The following TARM1 variants were observed in gnomAD, a reference collection of about 807,000 sequenced individuals.
TARM1 encodes T-cell-interacting, activating receptor on myeloid cells protein 1.
A neutral mutation model predicts 30.4 loss-of-function variants in TARM1; 24 were observed. That is an observed-to-expected ratio of 0.79 (90% CI 0.57 to 1.11). TARM1 has a LOEUF of 1.11. Among genes scored for constraint, TARM1 ranks in the 50% least tolerant of loss-of-function variants. The pLI, the probability that TARM1 is intolerant of heterozygous loss-of-function variation, is 0.00. For synonymous variants in TARM1, 129 were observed against 138.9 expected (o/e 0.93, Z 0.50); for missense variants, 323 against 332.8 (o/e 0.97, Z 0.23).
intron 4 of TARM1, 67 bp from the exon 5 acceptor site, chr19:54,070,227 A>G: frequency 2.0e-6 from 3 of 1,499,878 alleles, no homozygotes; most frequent in Non-Finnish European, 2.7e-6. Context: ...TGGCCCCACC[A>G]AATCTGACTA....
At chr19:54,073,191 C>G (rs986307479) in intron 4 of TARM1, among the ~76,000 whole-genome samples, 13 of 151,486 alleles carry the variant, frequency 8.6e-5, no homozygotes, top group Non-Finnish European at 1.9e-4. Flanking sequence ...GGCAGATCAC[C>G]TGAGGTCAGG....
chr19:54,073,785 G>A (rs2071871687), intron 4 of TARM1, 135 bp downstream of exon 4: 4 of 1,178,816 alleles, frequency 3.4e-6, no homozygotes, highest in South Asian at 1.5e-5. Context: ...GAGCCACCAC[G>A]CCAGGCCAGA....
At chr19:54,073,784 C>G (rs1023182352) in intron 4 of TARM1, 136 bp downstream of exon 4, 5 of 1,169,208 alleles carry the variant, frequency 4.3e-6, no homozygotes, top group Non-Finnish European at 5.9e-6. Flanking sequence ...TGAGCCACCA[C>G]GCCAGGCCAG....
chr19:54,080,140 AAAGC>A lies in TARM1; in HGVS notation c.34+1163_34+1166del, dbSNP rs375418750. ...GGAAGGAAGGAAGGAAGGAAGGAAG[AAAGC>A]AAGCAAGCAAGCAAGCAAGCAAGCA... On this transcript the variant is annotated intron_variant, in intron 1 of 4. Coordinates refer to ENST00000432826, the MANE Select transcript of TARM1 (RefSeq NM_001135686.3). 9.8e-4 allele frequency among the ~76,000 whole-genome samples: 79 copies of A among 80,276 alleles called. 14 individuals carry two copies. Among genetic ancestry groups the A allele is most frequent in the Non-Finnish European group, 1.7e-3 (62 of 37,148 alleles). The allele number at this position is 80,276 out of a possible 152,430, so 52.7% of individuals were successfully genotyped here. A position where few individuals can be genotyped will look rare whatever the true frequency, so the allele number is the denominator to read the frequency against.
rs1234169396 is a variant in TARM1 at position 54,069,992 on chromosome 19, T to G, written c.*11A>C. 2 of 1,548,820 alleles carry G rather than the reference T, an allele frequency of 1.3e-6. No homozygotes were observed. Among genetic ancestry groups the G allele is most frequent in the Non-Finnish European group, 8.7e-7 (1 of 1,144,980 alleles). On this transcript the variant is annotated 3_prime_UTR_variant, in exon 5 of 5. Coordinates refer to ENST00000432826, the MANE Select transcript of TARM1 (RefSeq NM_001135686.3). The stretch of plus-strand genomic sequence containing the variant: ...CAGCCTCAGTTTACCCAGCCCCGGT[T>G]CAAGATGGAGTCACTCTGGTTTGAA...
At chr19:54,080,047 AGG>A (rs1384876286) in intron 1 of TARM1, among the ~76,000 whole-genome samples, 1 of 134,630 alleles carries the variant, frequency 7.4e-6, no homozygotes, top group African/African-American at 2.8e-5. Context: ...GAAGGAAGGA[AGG>A]GAAAGAGAGA....
At chr19:54,074,751 T>C in intron 3 of TARM1, 73 bp downstream of exon 3, 1 of 1,470,162 alleles carries the variant, frequency 6.8e-7, no homozygotes, top group Non-Finnish European at 9.2e-7. Context: ...GGACCCCTTT[T>C]CTCCCTCTGT....
At chr19:54,075,789 C>CAA (rs1196367703) in intron 2 of TARM1, 94 bp downstream of exon 2, 37 of 1,161,740 alleles carry the variant, frequency 3.2e-5, no homozygotes, top group African/African-American at 4.9e-5. Context: ...GAGACTCCGT[C>CAA]AAAAAAAAAA....
intron 1 of TARM1, among the ~76,000 whole-genome samples, chr19:54,080,805 T>C (rs1342794363): frequency 2.6e-5 from 4 of 151,686 alleles, no homozygotes; most frequent in Non-Finnish European, 4.4e-5. Context: ...AAACACCGTC[T>C]CTACTAAAAA....
At position 54,072,140 on chromosome 19, in the gene TARM1, G is replaced by A. The variant is rs1318259368; in HGVS notation, c.658+1780C>T. On this transcript the variant is annotated intron_variant, in intron 4 of 4. Coordinates refer to ENST00000432826, the MANE Select transcript of TARM1 (RefSeq NM_001135686.3). ...GGAGGCAGAGGTTTCATTGAGCCGA[G>A]ATCGCGCCACTGCACTCCAGCCTGG... Among the ~76,000 whole-genome samples, 4 of 152,066 alleles carry A rather than the reference G, an allele frequency of 2.6e-5. No homozygotes were observed. The East Asian group carries it at 7.7e-4, about 29-fold the overall frequency.
In TARM1 at chr19:54,070,130, G is replaced by A. The variant is rs1248907278; in HGVS notation, c.689C>T (p.Ser230Phe). The A allele has an allele frequency of 6.4e-7, 1 of 1,551,560 alleles. No individual in the cohort carries two copies. The highest frequency in any genetic ancestry group is 1.4e-5 in the African/African-American group (1 of 73,048). The change falls in exon 5 of 5, where the codon TCC becomes TTC. Residue 230 changes from serine to phenylalanine, a missense_variant. Ser to Phe is a radical substitution (Grantham distance 155, BLOSUM62 -2). Coordinates refer to ENST00000432826, the MANE Select transcript of TARM1 (RefSeq NM_001135686.3). The part of the protein sequence containing the change: ...VPPGTTSSNY[S>F]LGNFVRLGLA... ...ACCCAGTCGTACGAAGTTACCCAGG[G>A]AGTAGTTGCTCGATGTGGTACCTGG...
At chr19:54,070,269 G>GGT in intron 4 of TARM1, 109 bp from the exon 5 acceptor site, 3 of 1,197,442 alleles carry the variant, frequency 2.5e-6, no homozygotes, top group Admixed American at 3.2e-5. Flanking sequence ...CGGTTTTTTG[G>GGT]TTTTTTTTTT....
rs1568511853 is a variant in TARM1 at position 54,080,125 on chromosome 19, AAGG to A, written c.34+1179_34+1181del. On this transcript the variant is annotated intron_variant, in intron 1 of 4. Transcript: ENST00000432826. ...GAAGGAAGGAAGGAAGGAAGGAAGG[AAGG>A]AAGGAAGGAAGAAAGCAAGCAAGCA... Among the ~76,000 whole-genome samples the A allele has an allele frequency of 3.6e-3, 173 of 48,684 alleles. 9 individuals are homozygous for A. The highest frequency in any genetic ancestry group is 5.7e-3 in the Non-Finnish European group (125 of 21,848). 31.9% of individuals were successfully genotyped at this position (48,684 alleles called of 152,430 possible).
intron 3 of TARM1, 100 bp from the exon 4 acceptor site, chr19:54,074,316 G>T: frequency 8.8e-7 from 1 of 1,134,996 alleles, no homozygotes; most frequent in South Asian, 1.5e-5. Flanking sequence ...TGTGGGAAAT[G>T]AGAGATTCCT....
chr19:54,070,003 T>G lies in TARM1; in HGVS notation c.816A>C (p.Ter272CysextTer26). 6.4e-7 allele frequency: 1 copy of G among 1,550,468 alleles called. No homozygotes were observed. The highest frequency in any genetic ancestry group is 8.7e-7 in the Non-Finnish European group (1 of 1,146,260). ...TACCCAGCCCCGGTTCAAGATGGAG[T>G]CACTCTGGTTTGAAGGCCTCTGATT... ...PGESEAFKPE* is the reference protein window; with the variant it reads ...PGESEAFKPEC The change falls in exon 5 of 5, where the codon TGA (stop) becomes TGC (cysteine). Residue 272 changes from the stop codon to cysteine, a stop_lost. Coordinates refer to ENST00000432826, the MANE Select transcript of TARM1 (RefSeq NM_001135686.3).
intron 2 of TARM1, among the ~76,000 whole-genome samples, chr19:54,075,478 G>A (rs1482406250): frequency 6.6e-6 from 1 of 151,026 alleles, no homozygotes; most frequent in Non-Finnish European, 1.5e-5. Flanking sequence ...GAACCCCTGA[G>A]CCCAATCAGG....
In TARM1 at chr19:54,075,234, C is replaced by T. The variant is rs1174275427; in HGVS notation, c.71-120G>A. On this transcript the variant is annotated intron_variant, in intron 2 of 4. Coordinates refer to ENST00000432826, the MANE Select transcript of TARM1 (RefSeq NM_001135686.3). ...ATGGAGTCTCCCTCTGTTGCCCAGGCTAGAGTGCAGTGGTGCAATCTCAGT... is the reference window on the plus strand; with the variant it reads ...ATGGAGTCTCCCTCTGTTGCCCAGGTTAGAGTGCAGTGGTGCAATCTCAGT... 7 of 904,188 alleles carry T rather than the reference C, an allele frequency of 7.7e-6. No individual in the cohort carries two copies. The African/African-American group carries it at 1.0e-4, about 13-fold the overall frequency. 56.0% of individuals were successfully genotyped at this position (904,188 alleles called of 1,614,324 possible).
intron 1 of TARM1, among the ~76,000 whole-genome samples, chr19:54,078,043 T>G (rs1369178798): frequency 6.6e-6 from 1 of 151,920 alleles, no homozygotes; most frequent in East Asian, 1.9e-4. Flanking sequence ...TGCACCACCA[T>G]GCCCAGCTAA....
intron 1 of TARM1, among the ~76,000 whole-genome samples, chr19:54,080,065 AG>A (rs2072061724): frequency 3.7e-5 from 4 of 109,082 alleles, no homozygotes; most frequent in African/African-American, 1.2e-4. Context: ...AGAGAGAGGA[AG>A]GAAGGAATGA....
Sources: gnomAD v4.1 joint callset for allele counts (sites outside exome capture counted in the v4.1 genomes callset) on GRCh38, gnomAD v4.1.1 for gene constraint, MANE v1.5 for transcripts, NCBI Gene and HGNC (gene_info 2026-07-23, HGNC 2026-07-21) for gene names.